The following MACROD2 variants were observed in gnomAD, a reference collection of about 807,000 sequenced individuals.
MACROD2 encodes the protein mono-ADP ribosylhydrolase 2, also known as ADP-ribose glycohydrolase MACROD2.
Under a neutral mutation model 70.4 loss-of-function variants are expected in MACROD2, and 36 were observed. The observed-to-expected ratio is 0.51, with a 90% CI of 0.39 to 0.68. MACROD2 has a LOEUF of 0.68. Among genes scored for constraint, MACROD2 ranks in the 30% least tolerant of loss-of-function variants. The pLI, the probability that MACROD2 is intolerant of heterozygous loss-of-function variation, is 0.00. For synonymous variants in MACROD2, 172 were observed against 178.8 expected, an observed-to-expected ratio of 0.96 and a Z score of 0.30; for missense variants, 496 against 538.4, an observed-to-expected ratio of 0.92 and a Z score of 0.78.
chr20:15,713,986 T>TGC (rs1267445933), intron 8 of MACROD2, among the ~76,000 whole-genome samples: 2 of 97,450 alleles, frequency 2.1e-5, no homozygotes, highest in East Asian at 3.0e-4. Context: ...CACACACATA[T>TGC]GCACACACAC....
At chr20:14,479,197 G>C (rs1196250047) in intron 3 of MACROD2, among the ~76,000 whole-genome samples, 2 of 152,026 alleles carry the variant, frequency 1.3e-5, no homozygotes, top group African/African-American at 4.8e-5. Flanking sequence ...GGGTGCTTGT[G>C]GTAAGATTCC....
chr20:14,268,122 A>C (rs530666000), intron 3 of MACROD2, among the ~76,000 whole-genome samples: 1 of 152,100 alleles, frequency 6.6e-6, no homozygotes, highest in Non-Finnish European at 1.5e-5. Flanking sequence ...ATTTGTCCAT[A>C]CTTGTTTCAC....
At chr20:14,511,579 G>T (rs939732151) in intron 4 of MACROD2, among the ~76,000 whole-genome samples, 4 of 151,750 alleles carry the variant, frequency 2.6e-5, no homozygotes, top group Non-Finnish European at 4.4e-5. Flanking sequence ...TTTCCATAGT[G>T]AATAAATTCT....
intron 8 of MACROD2, among the ~76,000 whole-genome samples, chr20:15,852,067 G>T (rs1280398440): frequency 1.3e-5 from 2 of 152,164 alleles, no homozygotes; most frequent in African/African-American, 4.8e-5. Flanking sequence ...AGAACGGCAG[G>T]CCCTAAGCCT....
At chr20:15,520,906 A>G (rs1019387860) in intron 8 of MACROD2, among the ~76,000 whole-genome samples, 6 of 152,252 alleles carry the variant, frequency 3.9e-5, no homozygotes, top group African/African-American at 1.4e-4. Flanking sequence ...TGGACTGCAC[A>G]TAGATCTCAC....
chr20:15,182,444 C>A (rs545041258), intron 5 of MACROD2, among the ~76,000 whole-genome samples: 13 of 152,254 alleles, frequency 8.5e-5, no homozygotes, highest in Admixed American at 3.3e-4. Flanking sequence ...CTAACAAGGT[C>A]ATAAGCTCAG....
chr20:14,630,511 C>T (rs982373605), intron 4 of MACROD2, among the ~76,000 whole-genome samples: 9 of 152,154 alleles, frequency 5.9e-5, no homozygotes, highest in African/African-American at 2.2e-4. Context: ...ATTCATGTAA[C>T]TCTTAGCAAT....
At position 15,505,097 on chromosome 20, in the gene MACROD2, C is replaced by T. The variant is rs572464660; in HGVS notation, c.645+5250C>T. On this transcript the variant is annotated intron_variant, in intron 8 of 17. Transcript: ENST00000684519. Reference sequence around the variant, plus strand: ...TTGGCTATTGGTCTCTGAGACAATGCACATATTTGCCATTTTTTCCACAGA... The same window carrying T: ...TTGGCTATTGGTCTCTGAGACAATGTACATATTTGCCATTTTTTCCACAGA... 2.5e-4 allele frequency among the ~76,000 whole-genome samples: 38 copies of T among 152,240 alleles called. No individual in the cohort carries two copies. The South Asian group carries it at 4.2e-3, about 17-fold the overall frequency.
intron 5 of MACROD2, among the ~76,000 whole-genome samples, chr20:14,926,438 T>C (rs1443935592): frequency 6.6e-6 from 1 of 151,718 alleles, no homozygotes; most frequent in Non-Finnish European, 1.5e-5. Flanking sequence ...TAGTCCCAGC[T>C]ACTCAGGAGA....
At chr20:15,887,164 G>A (rs921625831) in intron 10 of MACROD2, among the ~76,000 whole-genome samples, 1 of 152,074 alleles carries the variant, frequency 6.6e-6, no homozygotes, top group African/African-American at 2.4e-5. Context: ...GGTTTGATCG[G>A]TGTGGTCCTT....
intron 3 of MACROD2, among the ~76,000 whole-genome samples, chr20:14,111,615 G>A (rs747264920): frequency 1.3e-5 from 2 of 151,896 alleles, no homozygotes; most frequent in Non-Finnish European, 2.9e-5. Context: ...AAGGTGTTCA[G>A]CATCACTGAT....
At chr20:15,389,106 A>T (rs993442258) in intron 6 of MACROD2, among the ~76,000 whole-genome samples, 2 of 152,154 alleles carry the variant, frequency 1.3e-5, no homozygotes, top group African/African-American at 4.8e-5. Context: ...GGTGAGTTAA[A>T]AAGTTAAGGA....
At chr20:15,183,813 G>A (rs1229440243) in intron 5 of MACROD2, among the ~76,000 whole-genome samples, 2 of 152,160 alleles carry the variant, frequency 1.3e-5, no homozygotes, top group African/African-American at 4.8e-5. Flanking sequence ...TCACAAGTGT[G>A]CATCTTCCCC....
intron 3 of MACROD2, among the ~76,000 whole-genome samples, chr20:14,396,375 A>G (rs915152293): frequency 1.7e-4 from 26 of 152,094 alleles, no homozygotes; most frequent in Admixed American, 1.6e-3. Context: ...TTTTTGCTTC[A>G]TATGTTTTGA....
intron 8 of MACROD2, among the ~76,000 whole-genome samples, chr20:15,612,498 T>G (rs2048983541): frequency 2.0e-5 from 3 of 152,202 alleles, no homozygotes; most frequent in African/African-American, 7.2e-5. Flanking sequence ...AAATTTCTTT[T>G]GCAATGAAGC....
chr20:14,465,790 T>C (rs1278943392), intron 3 of MACROD2, among the ~76,000 whole-genome samples: 1 of 152,126 alleles, frequency 6.6e-6, no homozygotes, highest in African/African-American at 2.4e-5. Context: ...CCTTCACTTA[T>C]GAAGCTTAGT....
intron 3 of MACROD2, among the ~76,000 whole-genome samples, chr20:14,386,932 A>C (rs960301600): frequency 6.6e-6 from 1 of 152,208 alleles, no homozygotes; most frequent in Non-Finnish European, 1.5e-5. Context: ...GGAGTGTGTG[A>C]TGCAAAAATC....
intron 5 of MACROD2, among the ~76,000 whole-genome samples, chr20:15,218,111 T>A (rs1200711758): frequency 6.6e-6 from 1 of 152,210 alleles, no homozygotes; most frequent in Non-Finnish European, 1.5e-5. Context: ...TACTCTTAAC[T>A]AACACTTCTC....
chr20:15,850,888 A>G (rs1253669715), intron 8 of MACROD2, among the ~76,000 whole-genome samples: 1 of 152,154 alleles, frequency 6.6e-6, no homozygotes, highest in Middle Eastern at 3.2e-3. Context: ...TTTACAAAAC[A>G]AGTCCTGACT....
Sources: gnomAD v4.1 joint callset for allele counts (sites outside exome capture counted in the v4.1 genomes callset) on GRCh38, gnomAD v4.1.1 for gene constraint, MANE v1.5 for transcripts, NCBI Gene and HGNC (gene_info 2026-07-23, HGNC 2026-07-21) for gene names.